Variants in PDE1C observed in about 807,000 individuals in gnomAD.
PDE1C encodes phosphodiesterase 1C.
Under a neutral mutation model 93.1 loss-of-function variants are expected in PDE1C, and 62 were observed. The ratio of observed to expected loss-of-function variants is 0.67; its 90% CI spans 0.54 to 0.82. The LOEUF (loss-of-function observed/expected upper bound fraction) is 0.82. Ranked by LOEUF, PDE1C falls within the 40% of genes least tolerant of loss-of-function variation. PDE1C has a pLI of 0.00. For synonymous variants in PDE1C, 325 were observed against 310.1 expected, an observed-to-expected ratio of 1.05 and a Z score of -0.50; for missense variants, 742 against 884.6, an observed-to-expected ratio of 0.84 and a Z score of 2.04.
chr7:32,159,752 C>T (rs1301241738), intron 3 of PDE1C, among the ~76,000 whole-genome samples: 6 of 152,100 alleles, frequency 3.9e-5, no homozygotes, highest in Non-Finnish European at 8.8e-5. Context: ...ACCTGAGTGT[C>T]CTCTTCTCTC....
chr7:32,021,743 T>C (rs187945456), intron 2 of PDE1C, among the ~76,000 whole-genome samples: 32 of 152,190 alleles, frequency 2.1e-4, no homozygotes, highest in Admixed American at 1.6e-3. Flanking sequence ...TTGATGTCTA[T>C]CCACAGGTAG....
At chr7:31,715,241 G>A in the PDE1C span, among the ~76,000 whole-genome samples, 84 of 150,844 alleles carry the variant, frequency 5.6e-4, no homozygotes, top group South Asian at 2.5e-3. Context: ...ATATGTAAAG[G>A]CCTCTTTTTT....
chr7:32,133,060 T>A (rs1401435622), intron 3 of PDE1C, among the ~76,000 whole-genome samples: 1 of 152,170 alleles, frequency 6.6e-6, no homozygotes, highest in Admixed American at 6.5e-5. Flanking sequence ...CTATTAGGCA[T>A]GCATTAGAAG....
At chr7:31,756,900 T>C (rs1190011319) in intron 17 of PDE1C, among the ~76,000 whole-genome samples, 5 of 152,230 alleles carry the variant, frequency 3.3e-5, no homozygotes, top group African/African-American at 1.2e-4. Flanking sequence ...AAAAAGCCAG[T>C]GCAGGAGCAG....
chr7:31,910,384 C>T (rs1346677387), intron 2 of PDE1C, among the ~76,000 whole-genome samples: 1 of 152,134 alleles, frequency 6.6e-6, no homozygotes, highest in Non-Finnish European at 1.5e-5. Context: ...ACTCCTGTTC[C>T]TCCAACTGCT....
intron 1 of PDE1C, among the ~76,000 whole-genome samples, chr7:32,332,013 A>G (rs1041826667): frequency 2.6e-5 from 4 of 152,214 alleles, no homozygotes; most frequent in African/African-American, 9.6e-5. Flanking sequence ...CACAGTGTAT[A>G]TCAAAATCGT....
chr7:32,347,214 T>G (rs866309748), intron 1 of PDE1C, among the ~76,000 whole-genome samples: 2 of 152,176 alleles, frequency 1.3e-5, no homozygotes, highest in African/African-American at 4.8e-5. Flanking sequence ...GGGAACACGA[T>G]TAGCCATGAG....
At chr7:32,071,102 C>G, upstream of PDE1C, 2 of 985,518 alleles carry the variant, frequency 2.0e-6, no homozygotes, top group Non-Finnish European at 2.4e-6. Context: ...CGCCGTCTGC[C>G]GGGCACACGC....
chr7:32,381,608 G>T (rs1784535977), intron 1 of PDE1C, among the ~76,000 whole-genome samples: 1 of 152,016 alleles, frequency 6.6e-6, no homozygotes, highest in Non-Finnish European at 1.5e-5. Flanking sequence ...AACCTGGAAA[G>T]CTCCCTTTGA....
chr7:31,847,134 T>C lies in PDE1C; in HGVS notation c.980+834A>G, dbSNP rs190025855. On this transcript the variant is annotated intron_variant, in intron 9 of 17. Transcript: ENST00000396191. ...TAACCTATATTTATAGCTACGATGATTTATTGGCTTGCTATATATGAGACA... is the reference window on the plus strand; with the variant it reads ...TAACCTATATTTATAGCTACGATGACTTATTGGCTTGCTATATATGAGACA... Among the ~76,000 whole-genome samples the C allele has an allele frequency of 1.7e-3, 262 of 152,282 alleles. 1 individual carries two copies. The highest frequency in any genetic ancestry group is 6.0e-3 in the African/African-American group (250 of 41,566).
chr7:31,810,328 T>G (rs530511946), intron 15 of PDE1C, among the ~76,000 whole-genome samples: 25 of 152,068 alleles, frequency 1.6e-4, no homozygotes, highest in Admixed American at 1.6e-3. Context: ...AGCCAAAAGA[T>G]CCCAATAATA....
At chr7:31,775,593 C>T in intron 17 of PDE1C, 71 bp downstream of exon 17, 1 of 1,287,978 alleles carries the variant, frequency 7.8e-7, no homozygotes, top group Non-Finnish European at 1.1e-6. Flanking sequence ...TTTATCAACC[C>T]AATTCCCGAG....
intron 1 of PDE1C, among the ~76,000 whole-genome samples, chr7:32,424,397 T>C (rs1233096580): frequency 6.6e-6 from 1 of 152,256 alleles, no homozygotes; most frequent in Non-Finnish European, 1.5e-5. Context: ...TCTCTCTTAA[T>C]ACTCTGACAC....
At chr7:31,969,865 C>A (rs970681663) in intron 2 of PDE1C, among the ~76,000 whole-genome samples, 32 of 152,178 alleles carry the variant, frequency 2.1e-4, no homozygotes, top group Admixed American at 3.9e-4. Flanking sequence ...AGCTGGAAAC[C>A]ATCATTCTCA....
chr7:31,789,725 CAG>C, intron 16 of PDE1C: 2 of 985,624 alleles, frequency 2.0e-6, no homozygotes, highest in Non-Finnish European at 2.4e-6. Flanking sequence ...GGAAAGGAAC[CAG>C]AGACTGGAAT....
intron 3 of PDE1C, among the ~76,000 whole-genome samples, chr7:32,090,561 A>G (rs1044838131): frequency 2.0e-5 from 3 of 152,124 alleles, no homozygotes; most frequent in Non-Finnish European, 4.4e-5. Flanking sequence ...TCCACTTCAA[A>G]TCGTTGTTTT....
upstream of PDE1C, chr7:32,070,457 CCTCGCCCAG>C (rs1371918878): frequency 1.3e-6 from 2 of 1,588,964 alleles, no homozygotes; most frequent in African/African-American, 2.7e-5. Context: ...CTCCCCGTCT[CCTCGCCCAG>C]CTCGCGATGC....
chr7:31,693,137 C>T, the PDE1C span, among the ~76,000 whole-genome samples: 5 of 152,174 alleles, frequency 3.3e-5, no homozygotes, highest in African/African-American at 1.2e-4. Flanking sequence ...TATGACTCCC[C>T]CCTCCTCTCC....
chr7:31,789,357 T>G (rs1784334632), intron 16 of PDE1C: 1 of 152,134 alleles, frequency 6.6e-6, no homozygotes, highest in African/African-American at 2.4e-5. Flanking sequence ...ATCTGCCATA[T>G]CTCCCTGATA....
Sources: gnomAD v4.1 joint callset for allele counts (sites outside exome capture counted in the v4.1 genomes callset) on GRCh38, gnomAD v4.1.1 for gene constraint, MANE v1.5 for transcripts, NCBI Gene and HGNC (gene_info 2026-07-23, HGNC 2026-07-21) for gene names.